Variants in KLHL18 observed in about 807,000 individuals in gnomAD.
KLHL18 encodes kelch-like protein 18.
Under a neutral mutation model 58.5 loss-of-function variants are expected in KLHL18, and 38 were observed. That is an observed-to-expected ratio of 0.65 (90% CI 0.50 to 0.85). The LOEUF (loss-of-function observed/expected upper bound fraction) is 0.85. Among genes scored for constraint, KLHL18 ranks in the 40% least tolerant of loss-of-function variants. The pLI is 0.00. For missense variants in KLHL18, 624 were observed against 778.4 expected (o/e 0.80, Z 2.36); for synonymous variants, 303 against 301.9 (o/e 1.00, Z -0.04).
rs779340763 is a variant in KLHL18, at chr3:47,343,708, A to G, written c.1492A>G (p.Ser498Gly). The G allele has an allele frequency of 1.2e-6, 2 of 1,614,176 alleles. No homozygotes were observed. The highest frequency in any genetic ancestry group is 3.3e-5 in the Admixed American group (2 of 60,028). ...CTTCCTCAGCATTGCCGAGATGTAC[A>G]GCTCTGTGGCAGACCAGTGGTGCCT... Reference protein sequence around the residue: ...SGFLSIAEMYSSVADQWCLIV... With the variant: ...SGFLSIAEMYGSVADQWCLIV... Residue 498 changes from serine to glycine, a missense_variant, in exon 10 of 10, where the codon AGC becomes GGC. By Grantham distance (56) the Ser-to-Gly change is moderately conservative. Transcript: ENST00000232766.
chr3:47,343,204 C>T (rs370256775), intron 9 of KLHL18, among the ~76,000 whole-genome samples: 2 of 152,352 alleles, frequency 1.3e-5, no homozygotes, highest in East Asian at 3.9e-4. Flanking sequence ...AAAGGCTCAA[C>T]AGCCATTTAC....
intron 1 of KLHL18, among the ~76,000 whole-genome samples, chr3:47,306,852 T>C (rs562174466): frequency 6.6e-6 from 1 of 152,336 alleles, no homozygotes; most frequent in East Asian, 1.9e-4. Flanking sequence ...TTATATCTCA[T>C]TGTGATGCTA....
chr3:47,326,185 T>C (rs918751164), intron 3 of KLHL18, among the ~76,000 whole-genome samples: 13 of 152,102 alleles, frequency 8.5e-5, no homozygotes, highest in Admixed American at 7.9e-4. Flanking sequence ...TGACCTCAAG[T>C]GATCTGCCCA....
intron 1 of KLHL18, among the ~76,000 whole-genome samples, chr3:47,284,335 T>C (rs183929644): frequency 1.4e-4 from 19 of 134,864 alleles, no homozygotes; most frequent in African/African-American, 4.6e-4. Flanking sequence ...CTTTTCTTTT[T>C]TCTTTTTTTT....
Position 47,284,253 on chromosome 3 carries a change from TCACACACA to T in KLHL18, c.129+1172_129+1179del, listed in dbSNP as rs142212788. On this transcript the variant is annotated intron_variant, in intron 1 of 9. Coordinates refer to ENST00000232766, the MANE Select transcript of KLHL18 (RefSeq NM_025010.5). Reference sequence around the variant, plus strand: ...TTTCTCCTATTTCTCTCTGTCTCTCTCACACACACACACACACACAAATAAATAAATAA... The same window carrying T: ...TTTCTCCTATTTCTCTCTGTCTCTCTCACACACACACAAATAAATAAATAA... Among the ~76,000 whole-genome samples the T allele has an allele frequency of 4.8e-4, 71 of 148,444 alleles. 1 individual carries two copies. Among genetic ancestry groups the T allele is most frequent in the Middle Eastern group, 3.4e-3 (1 of 290 alleles).
In KLHL18 at chr3:47,290,396, CA is replaced by C. The variant is rs1486083103; in HGVS notation, c.129+7303del. On this transcript the variant is annotated intron_variant, in intron 1 of 9. Coordinates refer to ENST00000232766, the MANE Select transcript of KLHL18 (RefSeq NM_025010.5). The stretch of plus-strand genomic sequence containing the variant: ...TGTGCTTCTGAATATTGCTCATTCC[CA>C]GGGTTTTCTACTGACATTTTTCATG... Among the ~76,000 whole-genome samples the C allele has an allele frequency of 2.0e-5, 3 of 152,028 alleles. No homozygotes were observed. In the East Asian group the frequency reaches 5.8e-4, roughly 29 times the overall value.
chr3:47,303,233 G>A (rs1703064864), intron 1 of KLHL18, among the ~76,000 whole-genome samples: 1 of 152,088 alleles, frequency 6.6e-6, no homozygotes, highest in Non-Finnish European at 1.5e-5. Context: ...CTTTTATGAT[G>A]TTCTCTCTAC....
chr3:47,339,232 C>T (rs545084203), intron 7 of KLHL18, among the ~76,000 whole-genome samples: 5 of 152,196 alleles, frequency 3.3e-5, no homozygotes, highest in Admixed American at 6.5e-5. Context: ...CAGTGGCTCA[C>T]ACCTGTAATG....
chr3:47,300,313 G>T lies in KLHL18; in HGVS notation c.129+17219G>T, dbSNP rs868142796. Among the ~76,000 whole-genome samples, 3 of 88,218 alleles carry T rather than the reference G, an allele frequency of 3.4e-5. No homozygotes were observed. In the Admixed American group the frequency reaches 3.6e-4, roughly 10 times the overall value. 57.9% of individuals were successfully genotyped at this position (88,218 alleles called of 152,430 possible). ...TATATATATATATATATATATATGT[G>T]TGTATATATGTATATGTATATACGT... On this transcript the variant is annotated intron_variant, in intron 1 of 9. Coordinates refer to ENST00000232766, the MANE Select transcript of KLHL18 (RefSeq NM_025010.5).
chr3:47,312,607 C>G (rs1370395063), intron 1 of KLHL18, among the ~76,000 whole-genome samples: 1 of 152,074 alleles, frequency 6.6e-6, no homozygotes, highest in Non-Finnish European at 1.5e-5. Flanking sequence ...CTGTGTAATT[C>G]TAGATATTAA....
At chr3:47,297,436 CCA>C in intron 1 of KLHL18, 1 of 378,942 alleles carries the variant, frequency 2.6e-6, no homozygotes, top group Non-Finnish European at 5.3e-6. Flanking sequence ...TGTTAGAAAC[CCA>C]CAAAGTAGCT....
At position 47,313,635 on chromosome 3, in the gene KLHL18, G is replaced by C. The variant is rs578212511; in HGVS notation, c.130-6018G>C. Among the ~76,000 whole-genome samples, 9 of 152,282 alleles carry C rather than the reference G, an allele frequency of 5.9e-5. No individual in the cohort carries two copies. The South Asian group carries it at 1.9e-3, about 32-fold the overall frequency. The stretch of plus-strand genomic sequence containing the variant: ...GAATATTCAGTTGCAATCTTATTCA[G>C]ATTTCTTCAGTTTTACTTTTATTCA... On this transcript the variant is annotated intron_variant, in intron 1 of 9. Transcript: ENST00000232766.
At chr3:47,311,473 A>G (rs1469695783) in intron 1 of KLHL18, among the ~76,000 whole-genome samples, 1 of 152,082 alleles carries the variant, frequency 6.6e-6, no homozygotes, top group Non-Finnish European at 1.5e-5. Flanking sequence ...TGGGCGGTTC[A>G]TGAGGTCAGG....
intron 1 of KLHL18, among the ~76,000 whole-genome samples, chr3:47,293,035 G>A (rs558308482): frequency 3.6e-4 from 55 of 152,240 alleles, no homozygotes; most frequent in African/African-American, 9.6e-4. Flanking sequence ...GTTACAAAAG[G>A]ACAAATGTTG....
At chr3:47,332,660 G>A (rs759686640) in intron 4 of KLHL18, among the ~76,000 whole-genome samples, 1 of 152,132 alleles carries the variant, frequency 6.6e-6, no homozygotes, top group African/African-American at 2.4e-5. Flanking sequence ...TAGGGCTTTA[G>A]AGGGAGAGGT....
At chr3:47,332,557 A>G (rs1703888443) in intron 4 of KLHL18, among the ~76,000 whole-genome samples, 1 of 118,548 alleles carries the variant, frequency 8.4e-6, no homozygotes, top group Non-Finnish European at 1.6e-5. Context: ...TCCAAAAACT[A>G]GGTGTCCTGT....
intron 1 of KLHL18, among the ~76,000 whole-genome samples, chr3:47,288,611 A>C (rs1702726974): frequency 6.6e-6 from 1 of 152,180 alleles, no homozygotes; most frequent in African/African-American, 2.4e-5. Flanking sequence ...CCTAGGCTTA[A>C]TTTCCTTTTG....
intron 3 of KLHL18, among the ~76,000 whole-genome samples, chr3:47,323,051 C>CA (rs758772032): frequency 6.6e-6 from 1 of 151,994 alleles, no homozygotes; most frequent in Non-Finnish European, 1.5e-5. Flanking sequence ...TAGCCATCTC[C>CA]ATCTTTGTTT....
intron 1 of KLHL18, among the ~76,000 whole-genome samples, chr3:47,289,296 C>A (rs951725604): frequency 6.6e-6 from 1 of 152,208 alleles, no homozygotes; most frequent in Admixed American, 6.5e-5. Flanking sequence ...TCCCAAGGCC[C>A]CTGCTGAGGT....
Sources: gnomAD v4.1 joint callset for allele counts (sites outside exome capture counted in the v4.1 genomes callset) on GRCh38, gnomAD v4.1.1 for gene constraint, MANE v1.5 for transcripts, NCBI Gene and HGNC (gene_info 2026-07-23, HGNC 2026-07-21) for gene names.